The following CNOT1 variants were observed in gnomAD, a reference collection of about 807,000 sequenced individuals.
The protein encoded by CNOT1 is CCR4-associated factor 1.
A neutral mutation model predicts 273.8 loss-of-function variants in CNOT1; 15 were observed. The observed-to-expected ratio is 0.05, with a 90% CI of 0.04 to 0.08. The LOEUF (loss-of-function observed/expected upper bound fraction) is 0.08, where lower values mean the gene tolerates loss of function less well. Ranked by LOEUF, CNOT1 falls within the 10% of genes least tolerant of loss-of-function variation. The pLI is 1.00. For synonymous variants in CNOT1, 1,022 were observed against 1,005.5 expected, an observed-to-expected ratio of 1.02 and a Z score of -0.31; for missense variants, 1,644 against 2,912.2, an observed-to-expected ratio of 0.56 and a Z score of 10.02.
intron 16 of CNOT1, among the ~76,000 whole-genome samples, chr16:58,568,674 C>T (rs1191838995): frequency 2.6e-5 from 4 of 151,538 alleles, no homozygotes; most frequent in East Asian, 3.9e-4. Flanking sequence ...AGCGAGACTC[C>T]GTCTCGATTT....
chr16:58,524,249 CAAAAA>C (rs35148544), intron 46 of CNOT1, among the ~76,000 whole-genome samples: 1 of 82,382 alleles, frequency 1.2e-5, no homozygotes, highest in Non-Finnish European at 2.3e-5. Context: ...GACTCTATCG[CAAAAA>C]AAAAAAAAAA....
intron 16 of CNOT1, among the ~76,000 whole-genome samples, chr16:58,568,698 G>GA (rs1021926550): frequency 1.2e-3 from 175 of 144,462 alleles, no homozygotes; most frequent in Admixed American, 1.7e-3. Context: ...AAAAAAGAGA[G>GA]AAAAAAAAAA....
chr16:58,606,720 C>T (rs2152024655), intron 1 of CNOT1, among the ~76,000 whole-genome samples: 1 of 151,958 alleles, frequency 6.6e-6, no homozygotes, highest in African/African-American at 2.4e-5. Context: ...GGGAGAATCG[C>T]TTGAACATGG....
In CNOT1 at chr16:58,597,829, G is replaced by A. The variant is rs1476284468; in HGVS notation, c.102+1407C>T. ...AAAAGACAACCCATGTGAAGCAGTC[G>A]AGCCCCAGGACCATGACCAGCAAGG... On this transcript the variant is annotated intron_variant, in intron 2 of 48. Coordinates refer to ENST00000317147, the MANE Select transcript of CNOT1 (RefSeq NM_016284.5). 1.7e-5 allele frequency: 7 copies of A among 420,334 alleles called. No homozygotes were observed. The East Asian group carries it at 2.0e-4, about 12-fold the overall frequency. The allele number at this position is 420,334 out of a possible 1,614,324, so 26.0% of individuals were successfully genotyped here.
intron 34 of CNOT1, among the ~76,000 whole-genome samples, chr16:58,540,831 C>T (rs1275224707): frequency 2.6e-5 from 4 of 152,132 alleles, no homozygotes; most frequent in South Asian, 2.1e-4. Context: ...TACTATCGAC[C>T]GGTTCGGGGG....
intron 16 of CNOT1, among the ~76,000 whole-genome samples, chr16:58,566,790 C>T (rs370360685): frequency 9.9e-5 from 15 of 152,132 alleles, no homozygotes; most frequent in East Asian, 3.8e-4. Context: ...TGCGCCACCA[C>T]GCCTGGCTAA....
In CNOT1 at chr16:58,586,109, G is replaced by C. The variant is rs78523118; in HGVS notation, c.637+436C>G. On this transcript the variant is annotated intron_variant, in intron 7 of 48. Transcript: ENST00000317147. Reference sequence around the variant, plus strand: ...TGAAGTGAGCACATCAAAAGTGACCGATTTTTTAAGCTAAAAATAGCATGT... The same window carrying C: ...TGAAGTGAGCACATCAAAAGTGACCCATTTTTTAAGCTAAAAATAGCATGT... 4.0e-5 allele frequency among the ~76,000 whole-genome samples: 6 copies of C among 148,240 alleles called. No individual in the cohort carries two copies. The East Asian group carries it at 1.2e-3, about 30-fold the overall frequency.
chr16:58,591,865 C>T (rs1322878258), intron 2 of CNOT1, among the ~76,000 whole-genome samples: 1 of 151,604 alleles, frequency 6.6e-6, no homozygotes, highest in Non-Finnish European at 1.5e-5. Context: ...TCAAATAGTG[C>T]CTACCATTCC....
intron 46 of CNOT1, 49 bp downstream of exon 46, chr16:58,525,130 G>T: frequency 6.4e-7 from 1 of 1,558,184 alleles, no homozygotes; most frequent in Non-Finnish European, 8.8e-7. Context: ...TCAGATTGTA[G>T]CAAAAAGCAC....
intron 2 of CNOT1, among the ~76,000 whole-genome samples, chr16:58,589,422 A>C (rs2041978129): frequency 6.6e-6 from 1 of 152,136 alleles, no homozygotes; most frequent in African/African-American, 2.4e-5. Flanking sequence ...CTGAGGCAGG[A>C]AATCACTTGA....
At position 58,543,901 on chromosome 16, in the gene CNOT1, A is replaced by C; in HGVS notation, c.4140T>G (p.Ile1380Met). Reference sequence around the variant, plus strand: ...ACTGTGGATGGGCCTGAAACAAGGGAATCTGGGGGGTTGGGGAGGACAAAG... The same window carrying C: ...ACTGTGGATGGGCCTGAAACAAGGGCATCTGGGGGGTTGGGGAGGACAAAG... Reference protein sequence around the residue: ...LAPHITLNPTIPLFQAHPQLK... With the variant: ...LAPHITLNPTMPLFQAHPQLK... The change falls in exon 31 of 49, where the codon ATT becomes ATG. Residue 1380 changes from isoleucine (I) to methionine (M), a missense_variant and splice_region_variant. Physicochemically the swap from Ile to Met is conservative, Grantham distance 10. Transcript: ENST00000317147. 1.2e-6 allele frequency: 2 copies of C among 1,600,352 alleles called. No homozygotes were observed. Among genetic ancestry groups the C allele is most frequent in the Non-Finnish European group, 1.7e-6 (2 of 1,170,940 alleles).
At chr16:58,580,466 A>G (rs775031388) in intron 12 of CNOT1, among the ~76,000 whole-genome samples, 167 bp downstream of exon 12, 4 of 152,216 alleles carry the variant, frequency 2.6e-5, no homozygotes, top group Admixed American at 2.0e-4. Context: ...TAGAGACTGA[A>G]AAAGAATTTA....
intron 1 of CNOT1, among the ~76,000 whole-genome samples, chr16:58,600,084 T>C (rs2042407796): frequency 6.6e-6 from 1 of 151,864 alleles, no homozygotes; most frequent in Non-Finnish European, 1.5e-5. Flanking sequence ...AAAATATGCC[T>C]GTAATCCCAG....
chr16:58,559,946 T>C, intron 17 of CNOT1: 1 of 921,830 alleles, frequency 1.1e-6, no homozygotes, highest in Non-Finnish European at 1.6e-6. Flanking sequence ...CTCAAGAGTC[T>C]ACGTAATTCA....
intron 1 of CNOT1, among the ~76,000 whole-genome samples, chr16:58,614,120 C>T (rs2042999518): frequency 8.6e-6 from 1 of 116,916 alleles, no homozygotes; most frequent in Non-Finnish European, 2.0e-5. Flanking sequence ...AAGAAAATTA[C>T]TCTCAAAACC....
At chr16:58,591,299 G>A (rs976109570) in intron 2 of CNOT1, among the ~76,000 whole-genome samples, 1 of 152,114 alleles carries the variant, frequency 6.6e-6, no homozygotes, top group Non-Finnish European at 1.5e-5. Flanking sequence ...AATGGCCAAA[G>A]AATAAAAAAG....
At chr16:58,544,840 A>C (rs1318206895) in intron 30 of CNOT1, among the ~76,000 whole-genome samples, 2 of 152,216 alleles carry the variant, frequency 1.3e-5, no homozygotes, top group African/African-American at 4.8e-5. Context: ...AAAAGGACTG[A>C]TCAGAGGTCA....
intron 25 of CNOT1, 101 bp downstream of exon 25, chr16:58,549,618 T>C: frequency 1.4e-6 from 2 of 1,457,338 alleles, no homozygotes; most frequent in Non-Finnish European, 1.8e-6. Flanking sequence ...GTACCTAATA[T>C]TGACAATATA....
chr16:58,550,288 G>A (rs1055603121), intron 24 of CNOT1, among the ~76,000 whole-genome samples: 5 of 152,108 alleles, frequency 3.3e-5, no homozygotes, highest in South Asian at 4.1e-4. Flanking sequence ...TAACTCTGGC[G>A]TTTCCAAGTA....
Sources: allele counts gnomAD v4.1 joint callset (sites outside exome capture counted in the v4.1 genomes callset), GRCh38; gene constraint gnomAD v4.1.1; transcripts MANE v1.5; gene names NCBI Gene and HGNC (gene_info 2026-07-23, HGNC 2026-07-21).